The following PDE4D variants were observed in gnomAD, a reference collection of about 807,000 sequenced individuals.
The protein encoded by PDE4D is phosphodiesterase 4D.
PDE4D carries 24 observed loss-of-function variants against 87.4 expected under a neutral mutation model. That is an observed-to-expected ratio of 0.27 (90% CI 0.20 to 0.39). The LOEUF (loss-of-function observed/expected upper bound fraction) is 0.39. PDE4D is among the 10% of genes least tolerant of loss of function. PDE4D has a pLI of 1.00. For synonymous variants in PDE4D, 384 were observed against 383.2 expected, an observed-to-expected ratio of 1.00 and a Z score of -0.02; for missense variants, 714 against 1,041.0, an observed-to-expected ratio of 0.69 and a Z score of 4.32.
intron 1 of PDE4D, among the ~76,000 whole-genome samples, chr5:59,563,277 G>C (rs1442334242): frequency 6.6e-6 from 1 of 152,220 alleles, no homozygotes; most frequent in Non-Finnish European, 1.5e-5. Context: ...AAAGGAATTT[G>C]AGTAGAAAAA....
At chr5:59,204,178 G>A (rs778712276) in intron 2 of PDE4D, among the ~76,000 whole-genome samples, 12 of 146,616 alleles carry the variant, frequency 8.2e-5, no homozygotes, top group Non-Finnish European at 1.5e-4. Flanking sequence ...ATTAGAGCCC[G>A]GCCCCATCTT....
intron 1 of PDE4D, among the ~76,000 whole-genome samples, chr5:60,271,673 T>C (rs1374640156): frequency 2.6e-5 from 4 of 152,196 alleles, no homozygotes; most frequent in African/African-American, 9.6e-5. Context: ...GGTTTTCAGA[T>C]AAGACAGTGA....
intron 1 of PDE4D, among the ~76,000 whole-genome samples, chr5:59,630,059 G>T (rs1831371709): frequency 6.6e-6 from 1 of 152,158 alleles, no homozygotes; most frequent in Non-Finnish European, 1.5e-5. Context: ...TTAAAGTCTA[G>T]CAAAGGTGTC....
In PDE4D at chr5:60,077,721, C is replaced by T. The variant is rs1773468221; in HGVS notation, c.43-89004G>A. ...CCACTATAGGTGCTCCCACTCCAAA[C>T]CCTTTGGGCTCTGCACTGGCTGGAC... On this transcript the variant is annotated intron_variant, in intron 2 of 16. Transcript: ENST00000502484. Among the ~76,000 whole-genome samples the T allele has an allele frequency of 2.0e-5, 3 of 152,344 alleles. No individual in the cohort carries two copies. The South Asian group carries it at 6.2e-4, about 32-fold the overall frequency.
At chr5:59,767,194 G>C (rs1034920610) in intron 1 of PDE4D, among the ~76,000 whole-genome samples, 3 of 151,858 alleles carry the variant, frequency 2.0e-5, no homozygotes, top group East Asian at 3.9e-4. Context: ...TGTTTAGTTA[G>C]TTATGGCAAA....
chr5:59,934,438 A>G (rs889766795), intron 3 of PDE4D, among the ~76,000 whole-genome samples: 4 of 152,126 alleles, frequency 2.6e-5, no homozygotes, highest in African/African-American at 9.7e-5. Context: ...CTATCACTCT[A>G]ATTCCAGTTG....
At chr5:60,508,173 A>G (rs1403114929) in intron 1 of PDE4D, among the ~76,000 whole-genome samples, 1 of 152,222 alleles carries the variant, frequency 6.6e-6, no homozygotes, top group Admixed American at 6.5e-5. Context: ...TCTATGGACA[A>G]TATGTGGTTA....
At chr5:59,308,788 G>T (rs771251539) in intron 1 of PDE4D, among the ~76,000 whole-genome samples, 1 of 151,948 alleles carries the variant, frequency 6.6e-6, no homozygotes, top group Non-Finnish European at 1.5e-5. Context: ...TGGTAGTATG[G>T]GGAGGAACCC....
intron 1 of PDE4D, among the ~76,000 whole-genome samples, chr5:59,342,926 T>C (rs1237788317): frequency 6.6e-6 from 1 of 152,130 alleles, no homozygotes; most frequent in Non-Finnish European, 1.5e-5. Context: ...TCACATACTT[T>C]TTTGTGGTGA....
At chr5:59,338,444 A>G (rs1440344334) in intron 1 of PDE4D, among the ~76,000 whole-genome samples, 1 of 152,256 alleles carries the variant, frequency 6.6e-6, no homozygotes, top group African/African-American at 2.4e-5. Flanking sequence ...CAATGGACTC[A>G]GCATCTCATA....
intron 1 of PDE4D, among the ~76,000 whole-genome samples, chr5:60,209,169 A>G (rs1742887312): frequency 6.7e-6 from 1 of 150,094 alleles, no homozygotes; most frequent in Admixed American, 6.7e-5. Context: ...CCCCAAGGAA[A>G]GTATTTTTTC....
intron 5 of PDE4D, among the ~76,000 whole-genome samples, chr5:59,116,913 C>G (rs1301479024): frequency 1.3e-5 from 2 of 152,224 alleles, no homozygotes; most frequent in Non-Finnish European, 2.9e-5. Context: ...AGAAAGATGA[C>G]TTTCTGCAAG....
intron 1 of PDE4D, among the ~76,000 whole-genome samples, chr5:59,410,757 C>T (rs1582459590): frequency 6.6e-6 from 1 of 152,062 alleles, no homozygotes; most frequent in East Asian, 1.9e-4. Context: ...CGATGGGACA[C>T]TTAGGTTGCT....
chr5:60,279,819 CT>C (rs1265894438), intron 1 of PDE4D, among the ~76,000 whole-genome samples: 2 of 151,780 alleles, frequency 1.3e-5, no homozygotes, highest in Non-Finnish European at 2.9e-5. Context: ...GTAGCTGGGA[CT>C]ACAGACACTG....
chr5:60,469,447 A>T (rs897512469), intron 1 of PDE4D, among the ~76,000 whole-genome samples: 4 of 152,106 alleles, frequency 2.6e-5, no homozygotes, highest in Admixed American at 2.0e-4. Flanking sequence ...GTCTTCAATG[A>T]TCATCTCCAT....
intron 1 of PDE4D, chr5:59,216,816 AC>A (rs1452803750): frequency 6.1e-6 from 1 of 164,070 alleles, no homozygotes; most frequent in African/African-American, 2.4e-5. Flanking sequence ...CTTAGCCTGC[AC>A]CTGAAAGGCT....
intron 1 of PDE4D, among the ~76,000 whole-genome samples, chr5:59,891,785 G>GCACACACACACA (rs905733153): frequency 3.0e-5 from 2 of 66,430 alleles, no homozygotes; most frequent in Admixed American, 1.5e-4. Context: ...AGAGAGACAT[G>GCACACACACACA]CTCACACACA....
At chr5:59,480,495 C>T (rs939065217) in intron 1 of PDE4D, among the ~76,000 whole-genome samples, 3 of 152,106 alleles carry the variant, frequency 2.0e-5, no homozygotes, top group Non-Finnish European at 2.9e-5. Flanking sequence ...CACCCAGGTT[C>T]TGGTCCAACC....
chr5:60,429,848 GTT>G (rs749261710), intron 1 of PDE4D: 4 of 262,950 alleles, frequency 1.5e-5, no homozygotes, highest in South Asian at 3.5e-5. Flanking sequence ...TTTTTTTTTT[GTT>G]TTTTTTTTTA....
Sources: allele counts gnomAD v4.1 joint callset (sites outside exome capture counted in the v4.1 genomes callset), GRCh38; gene constraint gnomAD v4.1.1; transcripts MANE v1.5; gene names NCBI Gene and HGNC (gene_info 2026-07-23, HGNC 2026-07-21).